The following KCNC2 variants were observed in gnomAD, a reference collection of about 807,000 sequenced individuals.
The protein encoded by KCNC2 is voltage-gated potassium channel KCNC2.
A neutral mutation model predicts 44.5 loss-of-function variants in KCNC2; 21 were observed. The ratio of observed to expected loss-of-function variants is 0.47; its 90% CI spans 0.33 to 0.68. The LOEUF (loss-of-function observed/expected upper bound fraction) is 0.68, where lower values mean the gene tolerates loss of function less well. KCNC2 is among the 30% of genes least tolerant of loss of function. The pLI is 0.01. For missense variants in KCNC2, 589 were observed against 826.2 expected (o/e 0.71, Z 3.52); for synonymous variants, 391 against 339.1 (o/e 1.15, Z -1.68).
intron 2 of KCNC2, among the ~76,000 whole-genome samples, chr12:75,201,039 T>C (rs904870906): frequency 4.6e-5 from 7 of 151,484 alleles, no homozygotes; most frequent in African/African-American, 1.7e-4. Context: ...GATATACACC[T>C]GCACTGAATC....
In KCNC2 at chr12:75,155,335, G is replaced by C. The variant is rs565008775; in HGVS notation, c.687+51962C>G. On this transcript the variant is annotated intron_variant, in intron 2 of 4. Coordinates refer to ENST00000549446, the MANE Select transcript of KCNC2 (RefSeq NM_139137.4). ...TAACTCCGAGTTAGCTTTTAACTTG[G>C]AGTGAAACAAAGCAGAAACAAAGAA... Among the ~76,000 whole-genome samples, 19 of 151,868 alleles carry C rather than the reference G, an allele frequency of 1.3e-4. No homozygotes were observed. The South Asian group carries it at 3.7e-3, about 30-fold the overall frequency.
chr12:75,200,802 T>C (rs905030134), intron 2 of KCNC2, among the ~76,000 whole-genome samples: 8 of 151,982 alleles, frequency 5.3e-5, no homozygotes, highest in African/African-American at 1.9e-4. Context: ...CACTATTTTC[T>C]ACGTTTATTC....
chr12:75,046,743 G>A (rs1880565702), intron 4 of KCNC2, among the ~76,000 whole-genome samples: 1 of 151,834 alleles, frequency 6.6e-6, no homozygotes, highest in Non-Finnish European at 1.5e-5. Flanking sequence ...TAAATCTATT[G>A]AGAGGATTGA....
chr12:75,166,729 G>A (rs1891480464), intron 2 of KCNC2, among the ~76,000 whole-genome samples: 2 of 150,914 alleles, frequency 1.3e-5, no homozygotes, highest in South Asian at 4.1e-4. Context: ...CAAAAAAGAT[G>A]TTATAAAAGA....
intron 2 of KCNC2, among the ~76,000 whole-genome samples, chr12:75,206,226 C>G (rs571440806): frequency 6.6e-6 from 1 of 152,246 alleles, no homozygotes; most frequent in East Asian, 1.9e-4. Flanking sequence ...CATGGGGTGT[C>G]TTTTCTGGGT....
intron 2 of KCNC2, among the ~76,000 whole-genome samples, chr12:75,196,821 T>C (rs1450982259): frequency 4.6e-5 from 7 of 152,138 alleles, no homozygotes; most frequent in African/African-American, 1.7e-4. Flanking sequence ...ATAACTTTAT[T>C]TTTAACTTTT....
intron 2 of KCNC2, among the ~76,000 whole-genome samples, chr12:75,157,549 G>A (rs1016682950): frequency 1.3e-5 from 2 of 151,818 alleles, no homozygotes; most frequent in Non-Finnish European, 2.9e-5. Flanking sequence ...GGACCTGTGC[G>A]TCTTTAAACA....
chr12:75,068,979 T>C (rs77329304), intron 2 of KCNC2, among the ~76,000 whole-genome samples: 83 of 152,204 alleles, frequency 5.5e-4, no homozygotes, highest in African/African-American at 1.7e-3. Context: ...GCAGAAGATA[T>C]TTGAGTATGT....
chr12:75,086,397 CAG>C (rs1431089726), intron 2 of KCNC2, among the ~76,000 whole-genome samples: 1 of 151,950 alleles, frequency 6.6e-6, no homozygotes, highest in East Asian at 1.9e-4. Flanking sequence ...AAAGAATTAT[CAG>C]ACAAATTTAA....
intron 2 of KCNC2, among the ~76,000 whole-genome samples, chr12:75,144,626 G>GTA (rs1326922532): frequency 7.5e-5 from 11 of 145,732 alleles, no homozygotes; most frequent in African/African-American, 2.7e-4. Flanking sequence ...ACTTTTGTGT[G>GTA]TGTGTGTGTG....
intron 2 of KCNC2, among the ~76,000 whole-genome samples, chr12:75,088,483 A>T (rs1379444181): frequency 6.6e-6 from 1 of 152,100 alleles, no homozygotes; most frequent in Admixed American, 6.6e-5. Context: ...TTTGTGTAAA[A>T]CATATGAACT....
At chr12:75,106,962 T>G (rs547513457) in intron 2 of KCNC2, among the ~76,000 whole-genome samples, 22 of 152,278 alleles carry the variant, frequency 1.4e-4, no homozygotes, top group African/African-American at 5.3e-4. Context: ...TATCAGCAAA[T>G]TTAATGTTGA....
intron 3 of KCNC2, 149 bp from the exon 4 acceptor site, chr12:75,048,466 C>G: frequency 1.9e-6 from 1 of 533,588 alleles, no homozygotes; most frequent in East Asian, 3.5e-5. Flanking sequence ...TTTTATCACT[C>G]TTCACGAAAA....
chr12:75,058,487 C>T (rs1012800926), intron 2 of KCNC2, among the ~76,000 whole-genome samples: 1 of 151,914 alleles, frequency 6.6e-6, no homozygotes, highest in Admixed American at 6.6e-5. Context: ...ACAATCATGT[C>T]CCAAAATAAA....
intron 2 of KCNC2, among the ~76,000 whole-genome samples, chr12:75,128,519 T>C (rs1192488179): frequency 6.6e-6 from 1 of 152,154 alleles, no homozygotes; most frequent in Non-Finnish European, 1.5e-5. Context: ...AAATTCTTTG[T>C]TCCCAAAGAC....
intron 2 of KCNC2, among the ~76,000 whole-genome samples, chr12:75,176,186 C>T (rs1324972404): frequency 6.6e-6 from 1 of 152,036 alleles, no homozygotes; most frequent in East Asian, 1.9e-4. Flanking sequence ...GTACATTTAG[C>T]TATTTCCTAT....
intron 2 of KCNC2, among the ~76,000 whole-genome samples, chr12:75,156,870 G>T (rs763968046): frequency 1.3e-5 from 2 of 151,708 alleles, no homozygotes; most frequent in Non-Finnish European, 2.9e-5. Context: ...ATTCATCGTA[G>T]TATCATTTTC....
chr12:75,163,037 C>T (rs1405718757), intron 2 of KCNC2, among the ~76,000 whole-genome samples: 1 of 151,714 alleles, frequency 6.6e-6, no homozygotes, highest in Non-Finnish European at 1.5e-5. Flanking sequence ...CTCGTGCAGA[C>T]AAGCCTGACC....
intron 2 of KCNC2, among the ~76,000 whole-genome samples, chr12:75,104,141 T>A (rs940427327): frequency 5.9e-5 from 9 of 151,928 alleles, no homozygotes; most frequent in African/African-American, 2.2e-4. Flanking sequence ...TAGGCTACTA[T>A]TCATCTTCTG....
Sources: gnomAD v4.1 joint callset for allele counts (sites outside exome capture counted in the v4.1 genomes callset) on GRCh38, gnomAD v4.1.1 for gene constraint, MANE v1.5 for transcripts, NCBI Gene and HGNC (gene_info 2026-07-23, HGNC 2026-07-21) for gene names.